The following CTNNA2 variants were observed in gnomAD, a reference collection of about 807,000 sequenced individuals.
CTNNA2 encodes catenin alpha 2, also known as catenin alpha-2.
A neutral mutation model predicts 101.0 loss-of-function variants in CTNNA2; 42 were observed. The observed-to-expected ratio is 0.42, with a 90% CI of 0.32 to 0.54. The LOEUF (loss-of-function observed/expected upper bound fraction) is 0.54. Ranked by LOEUF, CTNNA2 falls within the 20% of genes least tolerant of loss-of-function variation. CTNNA2 has a pLI of 0.14. For synonymous variants in CTNNA2, 450 were observed against 456.4 expected (o/e 0.99, Z 0.18); for missense variants, 871 against 1,223.1 (o/e 0.71, Z 4.29).
chr2:80,580,750 C>G (rs1267282494), intron 13 of CTNNA2, among the ~76,000 whole-genome samples: 1 of 152,168 alleles, frequency 6.6e-6, no homozygotes, highest in Non-Finnish European at 1.5e-5. Flanking sequence ...CACAGTGACT[C>G]ATGCTTGTAA....
intron 2 of CTNNA2, among the ~76,000 whole-genome samples, chr2:79,257,047 G>A (rs1017337480): frequency 1.2e-4 from 18 of 152,152 alleles, no homozygotes; most frequent in African/African-American, 4.3e-4. Context: ...TGATCTAGGA[G>A]GATAAGCGGA....
intron 2 of CTNNA2, among the ~76,000 whole-genome samples, chr2:79,216,011 T>G (rs939172889): frequency 5.9e-5 from 9 of 151,962 alleles, no homozygotes; most frequent in Admixed American, 5.3e-4. Flanking sequence ...CGAGTTGCAT[T>G]GGGAACAGAG....
At chr2:80,351,992 A>G (rs1673344261) in intron 7 of CTNNA2, among the ~76,000 whole-genome samples, 1 of 152,110 alleles carries the variant, frequency 6.6e-6, no homozygotes, top group African/African-American at 2.4e-5. Context: ...GCAGGGACAC[A>G]GAGGGAAGCT....
At chr2:79,555,243 A>AT (rs1405148975) in intron 1 of CTNNA2, among the ~76,000 whole-genome samples, 1 of 152,150 alleles carries the variant, frequency 6.6e-6, no homozygotes, top group Non-Finnish European at 1.5e-5. Flanking sequence ...CAAAAGCAAA[A>AT]TGTGAAAATT....
chr2:80,349,393 G>T (rs919816788), intron 7 of CTNNA2, among the ~76,000 whole-genome samples: 1 of 152,118 alleles, frequency 6.6e-6, no homozygotes, highest in East Asian at 1.9e-4. Context: ...TTGGGGATGG[G>T]TATATTCTGG....
chr2:80,112,638 T>C (rs1701290029), intron 7 of CTNNA2, among the ~76,000 whole-genome samples: 1 of 152,192 alleles, frequency 6.6e-6, no homozygotes, highest in African/African-American at 2.4e-5. Flanking sequence ...CTTTGAATGA[T>C]GTATAGTCAA....
intron 9 of CTNNA2, among the ~76,000 whole-genome samples, chr2:80,497,484 A>C (rs1687561786): frequency 6.6e-6 from 1 of 152,190 alleles, no homozygotes; most frequent in South Asian, 2.1e-4. Flanking sequence ...GCTCATGGGA[A>C]TATCACGTAG....
At chr2:79,407,597 T>C (rs1247811043) in intron 4 of CTNNA2, among the ~76,000 whole-genome samples, 1 of 151,872 alleles carries the variant, frequency 6.6e-6, no homozygotes, top group Admixed American at 6.6e-5. Context: ...CCTCTAGCAA[T>C]GAAGAGGAAG....
chr2:79,681,722 A>G (rs1683575154), intron 2 of CTNNA2, among the ~76,000 whole-genome samples: 1 of 152,130 alleles, frequency 6.6e-6, no homozygotes, highest in Admixed American at 6.5e-5. Context: ...TTTCTACTTA[A>G]CTTCATTAAT....
intron 2 of CTNNA2, among the ~76,000 whole-genome samples, chr2:79,215,952 G>C (rs1482847136): frequency 6.6e-6 from 1 of 152,128 alleles, no homozygotes; most frequent in Admixed American, 6.5e-5. Flanking sequence ...GTGACGCTTG[G>C]GGTTGGGACT....
intron 18 of CTNNA2, among the ~76,000 whole-genome samples, chr2:80,637,241 A>C (rs1672977675): frequency 6.6e-6 from 1 of 152,214 alleles, no homozygotes; most frequent in Non-Finnish European, 1.5e-5. Flanking sequence ...ACCATGTGCC[A>C]GGCACTCAAC....
chr2:80,213,771 T>G (rs1708066146), intron 7 of CTNNA2, among the ~76,000 whole-genome samples: 1 of 152,194 alleles, frequency 6.6e-6, no homozygotes, highest in African/African-American at 2.4e-5. Context: ...GGTATCCTTG[T>G]TAACTTTCTG....
intron 3 of CTNNA2, among the ~76,000 whole-genome samples, chr2:79,746,216 A>G (rs193116715): frequency 1.3e-5 from 2 of 152,220 alleles, no homozygotes; most frequent in East Asian, 1.9e-4. Context: ...TCGGAGAAAT[A>G]TTTCCAGTCT....
In CTNNA2 at chr2:79,975,632, C is replaced by T. The variant is rs117145771; in HGVS notation, c.1056+65835C>T. On this transcript the variant is annotated intron_variant, in intron 7 of 18. Coordinates refer to ENST00000402739, the MANE Select transcript of CTNNA2 (RefSeq NM_001282597.3). ...CATTCCCACGACCCTTTCCTCAGGTCCGATTAATTTGCTAAAGTGGCTCAT... is the reference window on the plus strand; with the variant it reads ...CATTCCCACGACCCTTTCCTCAGGTTCGATTAATTTGCTAAAGTGGCTCAT... Among the ~76,000 whole-genome samples, 845 of 152,254 alleles carry T rather than the reference C, an allele frequency of 5.5e-3. 19 individuals are homozygous for T. The East Asian group carries it at 0.067, about 12-fold the overall frequency.
At chr2:80,572,167 A>G (rs954899350) in intron 12 of CTNNA2, among the ~76,000 whole-genome samples, 12 of 152,142 alleles carry the variant, frequency 7.9e-5, no homozygotes, top group Non-Finnish European at 1.3e-4. Flanking sequence ...AATATGATTA[A>G]TATTATTATG....
chr2:80,531,614 G>A (rs1193392801), intron 9 of CTNNA2, among the ~76,000 whole-genome samples: 2 of 152,100 alleles, frequency 1.3e-5, no homozygotes, highest in African/African-American at 2.4e-5. Context: ...ATATCCTAGA[G>A]GTCCTTCTGG....
chr2:80,619,434 GA>G (rs1558650089), intron 18 of CTNNA2, among the ~76,000 whole-genome samples: 1 of 151,854 alleles, frequency 6.6e-6, no homozygotes, highest in Non-Finnish European at 1.5e-5. Context: ...CTAAACTTGA[GA>G]AGTGAAAAAG....
intron 1 of CTNNA2, among the ~76,000 whole-genome samples, chr2:79,590,931 T>G (rs931282122): frequency 2.0e-5 from 3 of 152,234 alleles, no homozygotes; most frequent in Non-Finnish European, 4.4e-5. Flanking sequence ...TAATCAGTTT[T>G]ACCATTTTGT....
At chr2:79,582,275 T>A (rs2103910623) in intron 1 of CTNNA2, among the ~76,000 whole-genome samples, 2 of 152,366 alleles carry the variant, frequency 1.3e-5, no homozygotes, top group South Asian at 4.1e-4. Flanking sequence ...TCAGTAAATG[T>A]TGACTATTAT....
Sources: allele counts gnomAD v4.1 joint callset (sites outside exome capture counted in the v4.1 genomes callset), GRCh38; gene constraint gnomAD v4.1.1; transcripts MANE v1.5; gene names NCBI Gene and HGNC (gene_info 2026-07-23, HGNC 2026-07-21).